GLIS3: variants seen among roughly 807,000 people sequenced by gnomAD.
GLIS3 encodes GLIS family zinc finger 3.
In GLIS3, 53 loss-of-function variants were observed where a neutral mutation model predicts 78.6. The observed-to-expected ratio is 0.67, with a 90% confidence interval of 0.54 to 0.85. GLIS3 has a LOEUF of 0.85. Ranked by LOEUF, GLIS3 falls within the 40% of genes least tolerant of loss-of-function variation. The pLI, the probability that GLIS3 is intolerant of heterozygous loss-of-function variation, is 0.00. For missense variants in GLIS3, 1,703 were observed against 1,231.1 expected (o/e 1.38, Z -5.74); for synonymous variants, 684 against 509.9 (o/e 1.34, Z -4.60).
intron 4 of GLIS3, among the ~76,000 whole-genome samples, chr9:3,941,019 CCAGA>C (rs1563873907): frequency 1.3e-5 from 2 of 152,050 alleles, no homozygotes; most frequent in Non-Finnish European, 2.9e-5. Context: ...TTCTCTGACC[CCAGA>C]ATCAGAATGC....
At chr9:4,444,192 C>A in the GLIS3 span, among the ~76,000 whole-genome samples, 287 of 152,220 alleles carry the variant, frequency 1.9e-3, 16 homozygotes, top group South Asian at 0.056. Context: ...GCCCTTGTAC[C>A]AATCAGCATA....
intron 6 of GLIS3, among the ~76,000 whole-genome samples, chr9:3,920,139 G>A (rs1237690254): frequency 6.6e-6 from 1 of 151,792 alleles, no homozygotes; most frequent in Middle Eastern, 3.2e-3. Context: ...GAGTAGCTGG[G>A]ACTACAGGCG....
chr9:4,441,526 G>C, the GLIS3 span, among the ~76,000 whole-genome samples: 7 of 152,166 alleles, frequency 4.6e-5, no homozygotes, highest in Non-Finnish European at 8.8e-5. Context: ...TTCTCAAAGT[G>C]TTGTTAAATT....
At chr9:4,130,932 C>T (rs761243869) in intron 2 of GLIS3, among the ~76,000 whole-genome samples, 2 of 152,236 alleles carry the variant, frequency 1.3e-5, no homozygotes, top group Non-Finnish European at 2.9e-5. Flanking sequence ...GCCAGGGCTG[C>T]ACCCCACAAA....
intron 6 of GLIS3, among the ~76,000 whole-genome samples, chr9:3,930,615 C>G (rs1358988673): frequency 2.0e-5 from 3 of 152,154 alleles, no homozygotes; most frequent in African/African-American, 7.2e-5. Context: ...CCAAATCTGT[C>G]ATCCTAGGTT....
At chr9:4,202,152 C>CTTTTTT (rs71324286) in intron 2 of GLIS3, among the ~76,000 whole-genome samples, 2 of 125,440 alleles carry the variant, frequency 1.6e-5, no homozygotes, top group African/African-American at 3.0e-5. Context: ...CCCCCTTTTT[C>CTTTTTT]TTTTTTTTTT....
chr9:3,968,420 T>G (rs763096319), intron 4 of GLIS3, among the ~76,000 whole-genome samples: 1 of 152,148 alleles, frequency 6.6e-6, no homozygotes, highest in African/African-American at 2.4e-5. Context: ...TTAAAGGAGG[T>G]AGCATTTTCA....
intron 2 of GLIS3, among the ~76,000 whole-genome samples, chr9:4,223,771 A>AT (rs966302769): frequency 3.3e-5 from 5 of 152,044 alleles, no homozygotes; most frequent in Non-Finnish European, 5.9e-5. Flanking sequence ...TAAAATACTG[A>AT]TTTTTTCTAC....
intron 2 of GLIS3, among the ~76,000 whole-genome samples, chr9:4,133,825 TACACACACACACAC>T (rs138728219): frequency 3.5e-4 from 43 of 121,800 alleles, no homozygotes; most frequent in Middle Eastern, 4.1e-3. Context: ...CAAGACCTTC[TACACACACACACAC>T]ACACACACAC....
rs1352782044 is a variant in GLIS3 at position 4,118,066 on chromosome 9, G to A, written c.1412C>T (p.Pro471Leu). The A allele has an allele frequency of 3.5e-5, 56 of 1,578,102 alleles. No homozygotes were observed. Among genetic ancestry groups the A allele is most frequent in the Non-Finnish European group, 4.8e-5 (56 of 1,162,226 alleles). Residue 471 changes from proline (P) to leucine (L), a missense_variant, in exon 4 of 11, where the codon CCG becomes CTG. Coordinates refer to ENST00000381971, the MANE Select transcript of GLIS3 (RefSeq NM_001042413.2). This position sits in a 1 kb window ranked among gnomAD's most constrained non-coding sequence, Gnocchi z 4.7. The part of the protein sequence containing the change: ...PYHAHAHLHH[P>L]ELGPHAQQLA... ...CTGCTGGGCGTGGGGCCCGAGCTCCGGGTGGTGAAGGTGCGCATGGGCATG... is the reference window on the plus strand; with the variant it reads ...CTGCTGGGCGTGGGGCCCGAGCTCCAGGTGGTGAAGGTGCGCATGGGCATG...
At position 4,127,929 on chromosome 9, in the gene GLIS3, T is replaced by C. The variant is rs192140036; in HGVS notation, c.389-1988A>G. The stretch of plus-strand genomic sequence containing the variant: ...AGGAATACTACTTGATGGCAAAACA[T>C]ACCAATAGATTATTTCATAAAACTA... On this transcript the variant is annotated intron_variant, in intron 2 of 10. Transcript: ENST00000381971. Among the ~76,000 whole-genome samples the C allele has an allele frequency of 7.3e-3, 1,105 of 152,226 alleles. 12 individuals carry two copies. Among genetic ancestry groups the C allele is most frequent in the Admixed American group, 0.016 (243 of 15,288 alleles).
At chr9:3,932,690 T>C (rs974923292) in intron 5 of GLIS3, 3 of 498,506 alleles carry the variant, frequency 6.0e-6, no homozygotes, top group Non-Finnish European at 1.1e-5. Flanking sequence ...TGCCCTATCC[T>C]TGATGATTTC....
At chr9:4,090,683 G>C (rs1475990167) in intron 4 of GLIS3, among the ~76,000 whole-genome samples, 1 of 152,200 alleles carries the variant, frequency 6.6e-6, no homozygotes, top group Non-Finnish European at 1.5e-5. Flanking sequence ...GGTGGCCACG[G>C]CATCCAGTGT....
At chr9:4,189,392 C>G (rs1354007129) in intron 2 of GLIS3, among the ~76,000 whole-genome samples, 1 of 152,078 alleles carries the variant, frequency 6.6e-6, no homozygotes, top group Non-Finnish European at 1.5e-5. Flanking sequence ...TTTATATGTG[C>G]TGAGGAGAGC....
rs190496369 is a variant in GLIS3, at chr9:4,179,437, C to G, written c.389-53496G>C. Among the ~76,000 whole-genome samples the G allele has an allele frequency of 3.9e-5, 6 of 152,244 alleles. No homozygotes were observed. In the East Asian group the frequency reaches 9.6e-4, roughly 24 times the overall value. On this transcript the variant is annotated intron_variant, in intron 2 of 10. Transcript: ENST00000381971. The stretch of plus-strand genomic sequence containing the variant: ...TCCCTTATGTAGGTAGCTATACTCC[C>G]TATTTGTTTGGGATAGTCCTGGGGT...
At chr9:4,273,729 T>G (rs1391040570) in intron 2 of GLIS3, among the ~76,000 whole-genome samples, 1 of 152,228 alleles carries the variant, frequency 6.6e-6, no homozygotes, top group Non-Finnish European at 1.5e-5. Flanking sequence ...TCCACACAAG[T>G]GGGTGACTAC....
At chr9:4,404,347 A>T in the GLIS3 span, among the ~76,000 whole-genome samples, 108,045 of 152,090 alleles carry the variant, frequency 0.71, 38,493 homozygotes, top group South Asian at 0.77. Flanking sequence ...ACATTGGACT[A>T]AATCTGCGCT....
chr9:3,889,999 T>C (rs936970890), intron 7 of GLIS3, among the ~76,000 whole-genome samples: 1 of 152,290 alleles, frequency 6.6e-6, no homozygotes, highest in South Asian at 2.1e-4. Context: ...CAAGAACAGT[T>C]TTTTTAGACA....
At chr9:3,930,740 T>C (rs1342613293) in intron 6 of GLIS3, among the ~76,000 whole-genome samples, 2 of 152,238 alleles carry the variant, frequency 1.3e-5, no homozygotes, top group African/African-American at 4.8e-5. Flanking sequence ...ATGTTAATGA[T>C]AGATTTACTA....
Sources: allele counts gnomAD v4.1 joint callset (sites outside exome capture counted in the v4.1 genomes callset), GRCh38; gene constraint gnomAD v4.1.1; non-coding constraint Gnocchi (gnomAD v3.1); transcripts MANE v1.5; gene names NCBI Gene and HGNC (gene_info 2026-07-23, HGNC 2026-07-21).